PPARGC1A: variants seen among roughly 807,000 people sequenced by gnomAD.
The protein encoded by PPARGC1A is PPARG coactivator 1 alpha, also known as peroxisome proliferator-activated receptor gamma coactivator 1-alpha.
Under a neutral mutation model 88.7 loss-of-function variants are expected in PPARGC1A, and 25 were observed. The ratio of observed to expected loss-of-function variants is 0.28; its 90% CI spans 0.21 to 0.39. The LOEUF is 0.39. Among genes scored for constraint, PPARGC1A ranks in the 10% least tolerant of loss-of-function variants. The pLI is 1.00. For missense variants in PPARGC1A, 880 were observed against 968.7 expected, an observed-to-expected ratio of 0.91 and a Z score of 1.22; for synonymous variants, 363 against 355.6, an observed-to-expected ratio of 1.02 and a Z score of -0.24.
the PPARGC1A span, among the ~76,000 whole-genome samples, chr4:24,448,607 T>C: frequency 6.6e-6 from 1 of 152,174 alleles, no homozygotes; most frequent in Non-Finnish European, 1.5e-5. Context: ...TCTGACCTTA[T>C]CTTAGACCAC....
At chr4:24,066,839 T>A in the PPARGC1A span, among the ~76,000 whole-genome samples, 41 of 133,404 alleles carry the variant, frequency 3.1e-4, no homozygotes, top group African/African-American at 1.1e-3. Context: ...TTGTTTTTTG[T>A]TTGTTTTGGG....
chr4:24,305,165 ATGTGTG>A, the PPARGC1A span, among the ~76,000 whole-genome samples: 1 of 148,778 alleles, frequency 6.7e-6, no homozygotes, highest in South Asian at 2.1e-4. Context: ...ACACATATAT[ATGTGTG>A]TGTGTGTGTA....
the PPARGC1A span, among the ~76,000 whole-genome samples, chr4:23,928,190 G>T: frequency 6.6e-6 from 1 of 152,166 alleles, no homozygotes; most frequent in African/African-American, 2.4e-5. Context: ...CAAGGTTATT[G>T]TTCTTGGATG....
chr4:23,945,913 G>A, the PPARGC1A span, among the ~76,000 whole-genome samples: 16 of 152,162 alleles, frequency 1.1e-4, no homozygotes, highest in East Asian at 1.9e-4. Flanking sequence ...ATGGCCAGCC[G>A]CATGTGACCT....
chr4:24,284,050 A>C, the PPARGC1A span, among the ~76,000 whole-genome samples: 2 of 151,052 alleles, frequency 1.3e-5, no homozygotes, highest in African/African-American at 4.9e-5. Context: ...TGGGAGGCTG[A>C]GACTGGTGGA....
chr4:23,971,935 C>CAT, the PPARGC1A span, among the ~76,000 whole-genome samples: 1 of 151,678 alleles, frequency 6.6e-6, no homozygotes, highest in Non-Finnish European at 1.5e-5. Context: ...TATATATATA[C>CAT]ATATATTTTT....
the PPARGC1A span, among the ~76,000 whole-genome samples, chr4:24,027,563 C>A: frequency 1.3e-5 from 2 of 152,086 alleles, no homozygotes. Context: ...GTGTGGGATG[C>A]AACCAGGTTT....
intron 12 of PPARGC1A, among the ~76,000 whole-genome samples, chr4:23,801,474 A>G (rs1037193982): frequency 1.3e-5 from 2 of 152,178 alleles, no homozygotes; most frequent in African/African-American, 4.8e-5. Flanking sequence ...AACACACAAT[A>G]TCCACATACA....
At chr4:24,166,619 G>A in the PPARGC1A span, among the ~76,000 whole-genome samples, 1 of 152,188 alleles carries the variant, frequency 6.6e-6, no homozygotes, top group Non-Finnish European at 1.5e-5. Context: ...CTGAAACCAA[G>A]ATAAGGGAGT....
chr4:23,897,227 G>T (rs1718701357), intron 1 of PPARGC1A, among the ~76,000 whole-genome samples: 1 of 152,152 alleles, frequency 6.6e-6, no homozygotes, highest in African/African-American at 2.4e-5. Context: ...AAGAATATTT[G>T]TAAGAAGAGG....
At chr4:24,331,708 C>T in the PPARGC1A span, among the ~76,000 whole-genome samples, 2 of 151,858 alleles carry the variant, frequency 1.3e-5, no homozygotes, top group Non-Finnish European at 2.9e-5. Context: ...TAATGTGCAA[C>T]CTTCCACTTC....
intron 5 of PPARGC1A, among the ~76,000 whole-genome samples, chr4:23,827,429 GA>G (rs113493263): frequency 0.052 from 7,423 of 141,908 alleles, 187 homozygotes; most frequent in Middle Eastern, 0.062. Context: ...AAATGAAAGT[GA>G]AAAAAAAAAA....
intron 12 of PPARGC1A, among the ~76,000 whole-genome samples, chr4:23,800,232 T>C (rs1357077483): frequency 6.6e-6 from 1 of 152,156 alleles, no homozygotes; most frequent in African/African-American, 2.4e-5. Context: ...TATATGTTAA[T>C]TTCATGATAA....
chr4:24,154,591 T>A, the PPARGC1A span, among the ~76,000 whole-genome samples: 1 of 152,168 alleles, frequency 6.6e-6, no homozygotes, highest in Non-Finnish European at 1.5e-5. Context: ...TCATATCACA[T>A]TTTCCCACTG....
At chr4:23,913,242 T>A in the PPARGC1A span, among the ~76,000 whole-genome samples, 41 of 94,610 alleles carry the variant, frequency 4.3e-4, no homozygotes, top group South Asian at 8.2e-4. Flanking sequence ...ATTATATATT[T>A]TATATATATA....
At chr4:24,126,733 A>T in the PPARGC1A span, among the ~76,000 whole-genome samples, 2 of 152,290 alleles carry the variant, frequency 1.3e-5, no homozygotes, top group African/African-American at 4.8e-5. Context: ...GATGTTAATT[A>T]TGAGTTCCCA....
chr4:23,953,405 T>A, the PPARGC1A span, among the ~76,000 whole-genome samples: 1 of 152,164 alleles, frequency 6.6e-6, no homozygotes, highest in African/African-American at 2.4e-5. Context: ...GGTATTACTA[T>A]GTTACAGAAA....
At chr4:24,376,533 G>A in the PPARGC1A span, among the ~76,000 whole-genome samples, 7 of 152,138 alleles carry the variant, frequency 4.6e-5, no homozygotes, top group African/African-American at 1.2e-4. Flanking sequence ...GTTTTAAGCC[G>A]TTTTTGAGCC....
At chr4:24,339,196 G>A in the PPARGC1A span, among the ~76,000 whole-genome samples, 2 of 27,482 alleles carry the variant, frequency 7.3e-5, no homozygotes, top group Non-Finnish European at 8.3e-5. Context: ...TCATCCATGT[G>A]TGTGTGTGTG....
Sources: gnomAD v4.1 joint callset for allele counts (sites outside exome capture counted in the v4.1 genomes callset) on GRCh38, gnomAD v4.1.1 for gene constraint, MANE v1.5 for transcripts, NCBI Gene and HGNC (gene_info 2026-07-23, HGNC 2026-07-21) for gene names.